Variants in XKR4 observed in about 807,000 individuals in gnomAD.
XKR4 encodes the protein XK-related protein 4.
A neutral mutation model predicts 53.9 loss-of-function variants in XKR4; 12 were observed. The ratio of observed to expected loss-of-function variants is 0.22; its 90% confidence interval spans 0.14 to 0.36. The LOEUF is 0.36. Among genes scored for constraint, XKR4 ranks in the 10% least tolerant of loss-of-function variants. XKR4 has a pLI of 1.00. For synonymous variants in XKR4, 354 were observed against 362.4 expected (o/e 0.98, Z 0.26); for missense variants, 799 against 859.5 (o/e 0.93, Z 0.88).
intron 2 of XKR4, chr8:55,452,085 G>A: frequency 4.3e-6 from 3 of 702,970 alleles, no homozygotes; most frequent in Middle Eastern, 2.9e-4. Flanking sequence ...TGGCTGGCCG[G>A]GTGTGTAGGT....
intron 2 of XKR4, among the ~76,000 whole-genome samples, chr8:55,360,062 G>T (rs1218614938): frequency 6.6e-6 from 1 of 152,146 alleles, no homozygotes; most frequent in African/African-American, 2.4e-5. Flanking sequence ...TCACTCCAAA[G>T]GTGGCCAAAA....
At chr8:55,171,882 C>T (rs977243934) in intron 1 of XKR4, among the ~76,000 whole-genome samples, 8 of 152,138 alleles carry the variant, frequency 5.3e-5, no homozygotes, top group Admixed American at 6.5e-5. Flanking sequence ...CACTGCTTCC[C>T]GGCTGTCCTT....
At chr8:55,442,607 AC>A (rs2129395059) in intron 2 of XKR4, among the ~76,000 whole-genome samples, 1 of 152,364 alleles carries the variant, frequency 6.6e-6, no homozygotes, top group East Asian at 1.9e-4. Flanking sequence ...AATGAATCAA[AC>A]ATAGTATAGC....
intron 1 of XKR4, among the ~76,000 whole-genome samples, chr8:55,237,108 C>T (rs1423897187): frequency 6.6e-6 from 1 of 152,186 alleles, no homozygotes; most frequent in African/African-American, 2.4e-5. Context: ...TAGTTTCCTC[C>T]TCTGAGTCCA....
At chr8:55,334,066 C>T (rs1194942011) in intron 1 of XKR4, among the ~76,000 whole-genome samples, 1 of 152,038 alleles carries the variant, frequency 6.6e-6, no homozygotes, top group Non-Finnish European at 1.5e-5. Context: ...TCTGACATCA[C>T]TATACAATTT....
At chr8:55,122,133 T>G (rs1224305864) in intron 1 of XKR4, among the ~76,000 whole-genome samples, 1 of 152,248 alleles carries the variant, frequency 6.6e-6, no homozygotes, top group African/African-American at 2.4e-5. Flanking sequence ...TCATCCTCAT[T>G]TGTTTGACTA....
chr8:55,217,409 T>A (rs1817818690), intron 1 of XKR4, among the ~76,000 whole-genome samples: 2 of 151,972 alleles, frequency 1.3e-5, no homozygotes, highest in South Asian at 4.1e-4. Flanking sequence ...AACTAAGAAG[T>A]CTGATAATAC....
At chr8:55,519,848 TGA>T (rs975367519) in intron 2 of XKR4, among the ~76,000 whole-genome samples, 1 of 151,938 alleles carries the variant, frequency 6.6e-6, no homozygotes, top group Non-Finnish European at 1.5e-5. Context: ...CGCAAATGGG[TGA>T]GAGAGAGAGA....
chr8:55,258,489 C>A (rs1227171260), intron 1 of XKR4, among the ~76,000 whole-genome samples: 5 of 152,132 alleles, frequency 3.3e-5, no homozygotes, highest in Non-Finnish European at 7.4e-5. Flanking sequence ...TTCCTATAAT[C>A]CCTGGAGACC....
intron 2 of XKR4, among the ~76,000 whole-genome samples, chr8:55,515,512 G>A (rs1322217689): frequency 6.6e-6 from 1 of 152,098 alleles, no homozygotes; most frequent in Non-Finnish European, 1.5e-5. Flanking sequence ...TAAACACACT[G>A]CAGAAATGGG....
At chr8:55,214,405 TTC>T (rs1164700313) in intron 1 of XKR4, among the ~76,000 whole-genome samples, 8 of 152,194 alleles carry the variant, frequency 5.3e-5, no homozygotes, top group Non-Finnish European at 1.2e-4. Context: ...CTATTTTATT[TTC>T]TGTTTTTTAC....
intron 1 of XKR4, among the ~76,000 whole-genome samples, chr8:55,293,780 A>T (rs890877505): frequency 2.0e-5 from 3 of 152,206 alleles, no homozygotes; most frequent in Non-Finnish European, 4.4e-5. Context: ...ATTCAAAGAT[A>T]AATTTGAGCT....
intron 1 of XKR4, among the ~76,000 whole-genome samples, chr8:55,254,028 A>G (rs1229422319): frequency 6.6e-6 from 1 of 151,316 alleles, no homozygotes; most frequent in Non-Finnish European, 1.5e-5. Context: ...CCTGTCGCCT[A>G]TTTTCTTGTA....
In XKR4 at chr8:55,311,564, C is replaced by T. The variant is rs112065414; in HGVS notation, c.807-46114C>T. Among the ~76,000 whole-genome samples the T allele has an allele frequency of 3.6e-3, 552 of 152,098 alleles. 3 individuals are homozygous for T. Among genetic ancestry groups the T allele is most frequent in the African/African-American group, 0.013 (528 of 41,486 alleles). ...TGAATCAGGTGAGTTAATTTGTAGG[C>T]TCTTAGGGTCTAACACAGTTTGTTA... On this transcript the variant is annotated intron_variant, in intron 1 of 2. Transcript: ENST00000327381.
chr8:55,443,530 TAAAAAAAAAA>T (rs751152509), intron 2 of XKR4, among the ~76,000 whole-genome samples: 10 of 74,012 alleles, frequency 1.4e-4, no homozygotes, highest in Admixed American at 2.0e-4. Context: ...TCAGTTACAT[TAAAAAAAAAA>T]AAAAAAAAAA....
At chr8:55,468,233 C>A (rs768234431) in intron 2 of XKR4, among the ~76,000 whole-genome samples, 1 of 152,074 alleles carries the variant, frequency 6.6e-6, no homozygotes, top group East Asian at 1.9e-4. Context: ...TATCATTCCT[C>A]TAAATGACTT....
intron 1 of XKR4, among the ~76,000 whole-genome samples, chr8:55,328,227 CA>C (rs1205950669): frequency 1.3e-5 from 2 of 152,072 alleles, no homozygotes; most frequent in Non-Finnish European, 2.9e-5. Context: ...GGGACTCAGT[CA>C]AACCATATCA....
At chr8:55,459,118 A>G (rs1042454784) in intron 2 of XKR4, among the ~76,000 whole-genome samples, 9 of 152,260 alleles carry the variant, frequency 5.9e-5, no homozygotes, top group African/African-American at 1.9e-4. Flanking sequence ...CCAGAAATAA[A>G]CTCTTACCTT....
chr8:55,185,665 C>A (rs1021019488), intron 1 of XKR4, among the ~76,000 whole-genome samples: 40 of 152,190 alleles, frequency 2.6e-4, no homozygotes, highest in African/African-American at 8.9e-4. Context: ...CCATCACTTT[C>A]TATAGCTAGG....
Sources: allele counts gnomAD v4.1 joint callset (sites outside exome capture counted in the v4.1 genomes callset), GRCh38; gene constraint gnomAD v4.1.1; transcripts MANE v1.5; gene names NCBI Gene and HGNC (gene_info 2026-07-23, HGNC 2026-07-21).